Variants in TET3 observed in about 807,000 individuals in gnomAD.
TET3 encodes the protein methylcytosine dioxygenase TET3.
TET3 carries 19 observed loss-of-function variants against 141.4 expected under a neutral mutation model. The ratio of observed to expected loss-of-function variants is 0.13; its 90% CI spans 0.09 to 0.20. The LOEUF (loss-of-function observed/expected upper bound fraction) is 0.20, where lower values mean the gene tolerates loss of function less well. Ranked by LOEUF, TET3 falls within the 10% of genes least tolerant of loss-of-function variation. The probability of loss-of-function intolerance (pLI) is 1.00; values close to 1 mark genes in which losing one functional copy is unlikely to be tolerated. For synonymous variants in TET3, 1,043 were observed against 980.9 expected, an observed-to-expected ratio of 1.06 and a Z score of -1.18; for missense variants, 1,874 against 2,356.9, an observed-to-expected ratio of 0.80 and a Z score of 4.24.
intron 5 of TET3, among the ~76,000 whole-genome samples, chr2:74,079,240 G>A (rs1390417587): frequency 1.3e-5 from 2 of 152,170 alleles, no homozygotes; most frequent in African/African-American, 2.4e-5. Flanking sequence ...CCAGCTACTC[G>A]GGAGGCTGAG....
chr2:74,050,892 T>C (rs1006094161), intron 4 of TET3, among the ~76,000 whole-genome samples: 1 of 151,792 alleles, frequency 6.6e-6, no homozygotes, highest in Admixed American at 6.6e-5. Flanking sequence ...CAATAAAATA[T>C]TTAGTTACCC....
chr2:74,099,177 G>A (rs1691017476), intron 10 of TET3, 99 bp from the exon 11 acceptor site: 2 of 1,094,370 alleles, frequency 1.8e-6, no homozygotes, highest in Non-Finnish European at 2.6e-6. Context: ...GGGATTGTGT[G>A]GGGAAAGATG....
chr2:74,119,124 G>A, the TET3 span, among the ~76,000 whole-genome samples: 1 of 152,184 alleles, frequency 6.6e-6, no homozygotes, highest in Non-Finnish European at 1.5e-5. Flanking sequence ...GGGAGGCTGA[G>A]GCGGGATCAC....
chr2:74,076,441 G>GTTTTTTTTTTTT (rs70965785), intron 5 of TET3, among the ~76,000 whole-genome samples: 1 of 56,586 alleles, frequency 1.8e-5, no homozygotes, highest in East Asian at 7.5e-4. Flanking sequence ...ATTCCTCTGG[G>GTTTTTTTTTTTT]TTTTTTTTTT....
chr2:74,047,375 C>T lies in TET3; in HGVS notation c.1458C>T (p.Thr486=). The change falls in exon 4 of 12, where the codon ACC becomes ACT. Residue 486 remains threonine (T), a synonymous_variant. Coordinates refer to ENST00000409262, the MANE Select transcript of TET3 (RefSeq NM_001287491.2). ...SVFKRPEALP[T]KPKVKVEAPS... is the part of the protein sequence containing the mutation. ...TCAAGCGGCCTGAGGCCCTGCCTACCAAGCCCAAGGTCAAGGTGGAGGCAC... is the reference window on the plus strand; with the variant it reads ...TCAAGCGGCCTGAGGCCCTGCCTACTAAGCCCAAGGTCAAGGTGGAGGCAC... 6.2e-7 allele frequency: 1 copy of T among 1,613,866 alleles called. No individual in the cohort carries two copies.
At chr2:74,084,775 A>G (rs967104770) in intron 6 of TET3, among the ~76,000 whole-genome samples, 8 of 152,088 alleles carry the variant, frequency 5.3e-5, no homozygotes, top group African/African-American at 1.9e-4. Flanking sequence ...GTTTCTACTA[A>G]AAATACAAAA....
chr2:74,053,995 G>A (rs539761863), intron 4 of TET3, among the ~76,000 whole-genome samples: 6 of 152,302 alleles, frequency 3.9e-5, no homozygotes, highest in African/African-American at 1.4e-4. Context: ...GTCTTACTGA[G>A]TTTTAAAGGA....
intron 6 of TET3, among the ~76,000 whole-genome samples, chr2:74,084,144 C>T (rs891498879): frequency 6.6e-6 from 1 of 152,230 alleles, no homozygotes; most frequent in African/African-American, 2.4e-5. Context: ...TGCCGTGCCT[C>T]AGAGCAGGAA....
At chr2:74,092,639 G>A (rs945870789) in intron 8 of TET3, among the ~76,000 whole-genome samples, 2 of 152,338 alleles carry the variant, frequency 1.3e-5, no homozygotes, top group Non-Finnish European at 2.9e-5. Flanking sequence ...CTGGGCGGGA[G>A]CCTGAAGGAG....
At chr2:74,133,029 C>A in the TET3 span, among the ~76,000 whole-genome samples, 1 of 151,516 alleles carries the variant, frequency 6.6e-6, no homozygotes, top group East Asian at 1.9e-4. Flanking sequence ...TCCCGAGTAG[C>A]TGGGACTACA....
At chr2:74,064,762 A>G (rs1688790797) in intron 4 of TET3, among the ~76,000 whole-genome samples, 1 of 152,184 alleles carries the variant, frequency 6.6e-6, no homozygotes, top group African/African-American at 2.4e-5. Flanking sequence ...ATTTGAAAAA[A>G]CTGACAAAAT....
chr2:74,044,335 G>A (rs1687500627), intron 3 of TET3, among the ~76,000 whole-genome samples: 1 of 152,208 alleles, frequency 6.6e-6, no homozygotes, highest in South Asian at 2.1e-4. Context: ...TACCCCAAAT[G>A]TGTAGGTTTT....
chr2:74,108,598 C>T (rs574856566), downstream of TET3, among the ~76,000 whole-genome samples: 11 of 152,306 alleles, frequency 7.2e-5, no homozygotes, highest in East Asian at 1.9e-3. Flanking sequence ...GGCTAATATA[C>T]GGAACCCGAG....
At chr2:74,043,172 A>G (rs930037274) in intron 3 of TET3, among the ~76,000 whole-genome samples, 9 of 152,174 alleles carry the variant, frequency 5.9e-5, no homozygotes, top group African/African-American at 2.2e-4. Context: ...CTTCCTACAT[A>G]AGCATGTAAG....
Position 74,105,068 on chromosome 2 carries a change from T to G in TET3, c.*2892T>G, listed in dbSNP as rs1461260636. ...CCCCCCCTTGCTGCTGAAGCTTTCT[T>G]AAAGAGAAAAATCAAATTTTTATTT... On this transcript the variant is annotated 3_prime_UTR_variant, in exon 12 of 12. Transcript: ENST00000409262. 1 of 397,908 alleles carries G rather than the reference T, an allele frequency of 2.5e-6. No homozygotes were observed. Among genetic ancestry groups the G allele is most frequent in the African/African-American group, 2.1e-5 (1 of 48,644 alleles). The allele number at this position is 397,908 out of a possible 1,614,324, so 24.6% of individuals were successfully genotyped here. A position where few individuals can be genotyped will look rare whatever the true frequency, so the allele number is the denominator to read the frequency against.
chr2:74,015,248 G>A (rs1301154004), intron 3 of TET3, among the ~76,000 whole-genome samples: 1 of 152,218 alleles, frequency 6.6e-6, no homozygotes, highest in Non-Finnish European at 1.5e-5. Context: ...ATGGACTTTT[G>A]AGTTCAACCA....
intron 3 of TET3, among the ~76,000 whole-genome samples, chr2:74,018,881 A>T (rs1014696981): frequency 2.0e-5 from 3 of 152,134 alleles, no homozygotes; most frequent in African/African-American, 7.2e-5. Context: ...AGATAGCTTT[A>T]CAATGAATCT....
rs1455553432 is a variant in TET3 at position 74,093,903 on chromosome 2, A to T, written c.3267+237A>T. 6.6e-6 allele frequency among the ~76,000 whole-genome samples: 1 copy of T among 152,214 alleles called. No homozygotes were observed. Among genetic ancestry groups the T allele is most frequent in the Non-Finnish European group, 1.5e-5 (1 of 68,030 alleles). On this transcript the variant is annotated intron_variant, in intron 10 of 11. Transcript: ENST00000409262. This position sits in a 1 kb window ranked among gnomAD's most constrained non-coding sequence, Gnocchi z 4.2. ...TGTCTGTGTCTTAGGGGGATGCTGCAGGATGTAGCCCCTCAAGCACCTGGA... is the reference window on the plus strand; with the variant it reads ...TGTCTGTGTCTTAGGGGGATGCTGCTGGATGTAGCCCCTCAAGCACCTGGA...
chr2:74,010,525 A>G (rs763103697), intron 3 of TET3, among the ~76,000 whole-genome samples: 8 of 152,114 alleles, frequency 5.3e-5, no homozygotes, highest in Non-Finnish European at 1.0e-4. Context: ...CTCAGCACCA[A>G]CTGCTTATTG....
Sources: allele counts gnomAD v4.1 joint callset (sites outside exome capture counted in the v4.1 genomes callset), GRCh38; gene constraint gnomAD v4.1.1; non-coding constraint Gnocchi (gnomAD v3.1); transcripts MANE v1.5; gene names NCBI Gene and HGNC (gene_info 2026-07-23, HGNC 2026-07-21).